Variants in RNLS observed in about 807,000 individuals in gnomAD.
RNLS encodes the protein renalase, FAD dependent amine oxidase.
In RNLS, 39 loss-of-function variants were observed where a neutral mutation model predicts 39.8. The observed-to-expected ratio is 0.98, with a 90% CI of 0.76 to 1.28. The LOEUF is 1.28. RNLS is among the 50% of genes most tolerant of loss of function. The pLI, the probability that RNLS is intolerant of heterozygous loss-of-function variation, is 0.00. For synonymous variants in RNLS, 147 were observed against 150.7 expected, an observed-to-expected ratio of 0.98 and a Z score of 0.18; for missense variants, 410 against 413.3, an observed-to-expected ratio of 0.99 and a Z score of 0.07.
chr10:88,172,882 A>G, the RNLS span, among the ~76,000 whole-genome samples: 3 of 20,096 alleles, frequency 1.5e-4, no homozygotes, highest in African/African-American at 2.7e-4. Flanking sequence ...TTTTAGATGG[A>G]GTCTCGCTCT....
the RNLS span, among the ~76,000 whole-genome samples, chr10:88,263,946 G>A: frequency 2.6e-5 from 4 of 152,116 alleles, no homozygotes; most frequent in Non-Finnish European, 5.9e-5. Flanking sequence ...TGTACCCAAT[G>A]TGTAGCCTTT....
chr10:88,298,592 T>G (rs11202705), intron 6 of RNLS, among the ~76,000 whole-genome samples: 21,929 of 152,244 alleles, frequency 0.14, 1,745 homozygotes, highest in East Asian at 0.34. Flanking sequence ...AAAAGATTAT[T>G]CTTTCTCCAT....
chr10:88,363,812 T>G (rs1050245007), intron 4 of RNLS, among the ~76,000 whole-genome samples: 1 of 152,198 alleles, frequency 6.6e-6, no homozygotes, highest in African/African-American at 2.4e-5. Flanking sequence ...GTCAAACTAC[T>G]TAATTGCTCT....
At chr10:88,498,860 C>A (rs1322039769) in intron 4 of RNLS, among the ~76,000 whole-genome samples, 3 of 151,964 alleles carry the variant, frequency 2.0e-5, no homozygotes, top group Non-Finnish European at 2.9e-5. Flanking sequence ...CTTTGTAAAT[C>A]TTTTTCGAAG....
chr10:88,264,046 C>T, the RNLS span, among the ~76,000 whole-genome samples: 96 of 152,264 alleles, frequency 6.3e-4, no homozygotes, highest in African/African-American at 2.2e-3. Context: ...GCTTAGTTCC[C>T]ACTTATGAGT....
At chr10:88,222,749 G>A in the RNLS span, among the ~76,000 whole-genome samples, 1 of 152,162 alleles carries the variant, frequency 6.6e-6, no homozygotes, top group Middle Eastern at 3.2e-3. Context: ...AAACAAATAT[G>A]ACAGGATCTG....
chr10:88,271,491 G>T (rs375042693), downstream of RNLS, among the ~76,000 whole-genome samples: 4 of 152,270 alleles, frequency 2.6e-5, no homozygotes, highest in East Asian at 5.8e-4. Context: ...GTGCAGCCAA[G>T]GGGACCATTT....
exon 7 of RNLS, chr10:88,274,159 G>T (rs1842730283): frequency 6.6e-6 from 1 of 152,132 alleles, no homozygotes; most frequent in Non-Finnish European, 1.5e-5. Context: ...GTAAGTATAA[G>T]AAATATCAAC....
chr10:88,491,207 C>T (rs1844859613), intron 4 of RNLS, among the ~76,000 whole-genome samples: 1 of 152,142 alleles, frequency 6.6e-6, no homozygotes, highest in South Asian at 2.1e-4. Flanking sequence ...AGGTTTCTTT[C>T]CAGGATTTCC....
intron 4 of RNLS, among the ~76,000 whole-genome samples, chr10:88,548,969 G>A (rs1001835345): frequency 1.3e-5 from 2 of 152,036 alleles, no homozygotes; most frequent in Non-Finnish European, 2.9e-5. Flanking sequence ...CTTAGGTAAT[G>A]TCTCTTATTT....
At chr10:88,295,812 A>G (rs1202526901) in intron 6 of RNLS, among the ~76,000 whole-genome samples, 2 of 152,180 alleles carry the variant, frequency 1.3e-5, no homozygotes, top group Non-Finnish European at 2.9e-5. Context: ...CTGAAATTGT[A>G]TATTCAATTG....
At chr10:88,361,550 A>G (rs559277249) in intron 5 of RNLS, among the ~76,000 whole-genome samples, 2 of 152,206 alleles carry the variant, frequency 1.3e-5, no homozygotes, top group Non-Finnish European at 2.9e-5. Flanking sequence ...TGAACTGCTG[A>G]TTGTACATAT....
intron 4 of RNLS, among the ~76,000 whole-genome samples, chr10:88,393,809 T>C (rs1429175837): frequency 6.6e-6 from 1 of 152,194 alleles, no homozygotes; most frequent in Non-Finnish European, 1.5e-5. Context: ...AAGGCTACAG[T>C]AACCAAAACA....
chr10:88,247,966 C>T, the RNLS span, among the ~76,000 whole-genome samples: 1 of 152,184 alleles, frequency 6.6e-6, no homozygotes, highest in Non-Finnish European at 1.5e-5. Flanking sequence ...CACCTAGAGC[C>T]TCCAGAAAGA....
At chr10:88,371,677 C>T (rs758829275) in intron 4 of RNLS, among the ~76,000 whole-genome samples, 6 of 152,004 alleles carry the variant, frequency 3.9e-5, no homozygotes, top group Non-Finnish European at 8.8e-5. Flanking sequence ...TAAAGGGCAC[C>T]AAAGAAGTGG....
At chr10:88,274,926 A>G in exon 7 of RNLS, 1 of 1,564,108 alleles carries the variant, frequency 6.4e-7, no homozygotes. Context: ...AAAAAATCAA[A>G]TAAAACCTGA....
Position 88,583,300 on chromosome 10 carries a change from C to G in RNLS, c.-110G>C. ...CTAGCGCTCTTTGGTTCCGTGCTCC[C>G]TGGGCCGACCTGGGCCCTGAGCTTT... On this transcript the variant is annotated 5_prime_UTR_variant, in exon 1 of 7. Transcript: ENST00000331772. The G allele has an allele frequency of 6.8e-7, 1 of 1,477,036 alleles. No homozygotes were observed. The highest frequency in any genetic ancestry group is 8.9e-7 in the Non-Finnish European group (1 of 1,121,650). The allele number at this position is 1,477,036 out of a possible 1,614,324, so 91.5% of individuals were successfully genotyped here.
the RNLS span, among the ~76,000 whole-genome samples, chr10:88,249,492 G>A: frequency 6.6e-6 from 1 of 152,184 alleles, no homozygotes; most frequent in African/African-American, 2.4e-5. Context: ...ACAGGGTATA[G>A]CCAAGATGGT....
chr10:88,493,189 T>C (rs1360629990), intron 4 of RNLS, among the ~76,000 whole-genome samples: 1 of 152,144 alleles, frequency 6.6e-6, no homozygotes, highest in African/African-American at 2.4e-5. Flanking sequence ...GAAAATCTGG[T>C]GCATATTTAA....
Sources: allele counts gnomAD v4.1 joint callset (sites outside exome capture counted in the v4.1 genomes callset), GRCh38; gene constraint gnomAD v4.1.1; transcripts MANE v1.5; gene names NCBI Gene and HGNC (gene_info 2026-07-23, HGNC 2026-07-21).